Variants in FAM149A observed in about 807,000 individuals in gnomAD.
FAM149A encodes the protein family with sequence similarity 149 member A, also known as protein FAM149A.
In FAM149A, 71 loss-of-function variants were observed where a neutral mutation model predicts 78.2. The ratio of observed to expected loss-of-function variants is 0.91; its 90% CI spans 0.75 to 1.11. The LOEUF is 1.11. Among genes scored for constraint, FAM149A ranks in the 50% least tolerant of loss-of-function variants. The probability of loss-of-function intolerance (pLI) is 0.00; values close to 1 mark genes in which losing one functional copy is unlikely to be tolerated. For missense variants in FAM149A, 1,036 were observed against 971.0 expected, an observed-to-expected ratio of 1.07 and a Z score of -0.89; for synonymous variants, 446 against 410.5, an observed-to-expected ratio of 1.09 and a Z score of -1.04.
At chr4:186,129,367 A>T (rs2099319644) in intron 1 of FAM149A, among the ~76,000 whole-genome samples, 1 of 152,178 alleles carries the variant, frequency 6.6e-6, no homozygotes, top group South Asian at 2.1e-4. Flanking sequence ...CCCATAAGGA[A>T]TTCATGAACT....
At chr4:186,162,005 C>T (rs1734645044) in intron 8 of FAM149A, among the ~76,000 whole-genome samples, 1 of 152,196 alleles carries the variant, frequency 6.6e-6, no homozygotes, top group African/African-American at 2.4e-5. Flanking sequence ...CACCTGTCAG[C>T]CTGTCATCTA....
chr4:186,132,261 A>C (rs115472095), intron 1 of FAM149A: 1,041 of 966,920 alleles, frequency 1.1e-3, no homozygotes, highest in Non-Finnish European at 1.2e-3. Context: ...CAGCAAATTT[A>C]GTTCAAAAAT....
At chr4:186,165,584 A>G in intron 11 of FAM149A, 120 bp downstream of exon 11, 1 of 932,428 alleles carries the variant, frequency 1.1e-6, no homozygotes, top group South Asian at 1.7e-5. Flanking sequence ...AGCTGTATTC[A>G]AATGCCTTCA....
At chr4:186,136,992 C>CTCTCTCTCTCTCTCTCTT (rs2099323482) in intron 1 of FAM149A, among the ~76,000 whole-genome samples, 5 of 126,790 alleles carry the variant, frequency 3.9e-5, no homozygotes, top group South Asian at 5.8e-4. Context: ...CTCTCTCTCT[C>CTCTCTCTCTCTCTCTCTT]TCTCTCTCTC....
At chr4:186,134,565 GTCT>G (rs2099321991) in intron 1 of FAM149A, among the ~76,000 whole-genome samples, 3 of 152,286 alleles carry the variant, frequency 2.0e-5, no homozygotes, top group Non-Finnish European at 4.4e-5. Context: ...TCTCCCAAAT[GTCT>G]TCGTTAGTCA....
rs1049180794 is a variant in FAM149A at position 186,104,778 on chromosome 4, G to A, written c.-299G>A. 7.1e-5 allele frequency among the ~76,000 whole-genome samples: 10 copies of A among 140,240 alleles called. No individual in the cohort carries two copies. The highest frequency in any genetic ancestry group is 1.5e-4 in the Non-Finnish European group (10 of 64,694). 92.0% of individuals were successfully genotyped at this position (140,240 alleles called of 152,430 possible). On this transcript the variant is annotated 5_prime_UTR_variant, in exon 1 of 14. Transcript: ENST00000389354. Reference sequence around the variant, plus strand: ...GCGGCGGGCGGCGGGCGTCTGGGGCGGGCGGCGGCCGCGCTTCCCGGGGCT... The same window carrying A: ...GCGGCGGGCGGCGGGCGTCTGGGGCAGGCGGCGGCCGCGCTTCCCGGGGCT...
In FAM149A at chr4:186,151,736, G is replaced by A. The variant is rs1188576483; in HGVS notation, c.790-167G>A. 1.0e-5 allele frequency: 10 copies of A among 985,266 alleles called. No individual in the cohort carries two copies. The Admixed American group carries it at 4.9e-4, about 48-fold the overall frequency. 61.0% of individuals were successfully genotyped at this position (985,266 alleles called of 1,614,324 possible). On this transcript the variant is annotated intron_variant, in intron 3 of 13. Coordinates refer to ENST00000389354, the MANE Select transcript of FAM149A (RefSeq NM_001367768.3). ...AGAATGAGATGGCATTTCTCAGAAAGGTAACAGCTAGAGCACAGGTGTGTC... is the reference window on the plus strand; with the variant it reads ...AGAATGAGATGGCATTTCTCAGAAAAGTAACAGCTAGAGCACAGGTGTGTC...
intron 13 of FAM149A, chr4:186,167,719 T>TA (rs1735182357): frequency 3.8e-6 from 1 of 263,404 alleles, no homozygotes. Flanking sequence ...CTCAGCCTGG[T>TA]ATGCTGTTTG....
chr4:186,149,026 G>GTT (rs1253582140), intron 1 of FAM149A, 147 bp from the exon 2 acceptor site: 12 of 348,362 alleles, frequency 3.4e-5, no homozygotes, highest in African/African-American at 2.4e-4. Flanking sequence ...GTGTGTGTGT[G>GTT]TGTGTGCGCT....
chr4:186,115,496 C>G (rs1177687385), intron 1 of FAM149A, among the ~76,000 whole-genome samples: 1 of 82,294 alleles, frequency 1.2e-5, no homozygotes, highest in Admixed American at 1.6e-4. Flanking sequence ...TCCAGTTTTT[C>G]TGTTCTGTTT....
At chr4:186,130,949 T>C (rs1431927176) in intron 1 of FAM149A, among the ~76,000 whole-genome samples, 3 of 152,148 alleles carry the variant, frequency 2.0e-5, no homozygotes, top group African/African-American at 7.2e-5. Flanking sequence ...TTCCCCCAAG[T>C]TCCTATGTTA....
intron 1 of FAM149A, chr4:186,110,150 A>G: frequency 3.0e-6 from 3 of 985,422 alleles, no homozygotes; most frequent in Non-Finnish European, 3.6e-6. Flanking sequence ...CATTTAGCAA[A>G]TATTTATTGA....
At chr4:186,160,592 CCACACACAT>C (rs1231308226) in intron 8 of FAM149A, among the ~76,000 whole-genome samples, 3 of 147,228 alleles carry the variant, frequency 2.0e-5, no homozygotes, top group Non-Finnish European at 4.5e-5. Context: ...CATACACACA[CCACACACAT>C]ACACCACATG....
At chr4:186,150,007 C>A (rs1382005255) in intron 3 of FAM149A, among the ~76,000 whole-genome samples, 1 of 152,152 alleles carries the variant, frequency 6.6e-6, no homozygotes, top group East Asian at 1.9e-4. Context: ...GTATCCATGG[C>A]CGGAAATTCA....
intron 1 of FAM149A, among the ~76,000 whole-genome samples, chr4:186,120,848 C>CTTTTTTTTTTT: frequency 1.1e-5 from 1 of 90,208 alleles, no homozygotes; most frequent in Non-Finnish European, 1.9e-5. Context: ...AAATAATATT[C>CTTTTTTTTTTT]TTTTTTTTTT....
intron 1 of FAM149A, among the ~76,000 whole-genome samples, 171 bp downstream of exon 1, chr4:186,105,813 T>G (rs1405685585): frequency 6.6e-6 from 1 of 152,228 alleles, no homozygotes; most frequent in Non-Finnish European, 1.5e-5. Flanking sequence ...CTCCTTGGCT[T>G]TGCGGGCTTT....
chr4:186,168,308 C>T (rs1011867988), intron 13 of FAM149A, among the ~76,000 whole-genome samples: 1 of 152,130 alleles, frequency 6.6e-6, no homozygotes, highest in African/African-American at 2.4e-5. Context: ...GTCAACAGCT[C>T]GTTCTCTAAA....
At chr4:186,110,389 CTTTCT>C (rs2099310702) in intron 1 of FAM149A, 4 of 802,030 alleles carry the variant, frequency 5.0e-6, no homozygotes, top group South Asian at 1.2e-4. Flanking sequence ...ATAAGCGTTA[CTTTCT>C]TTTTTTTTTT....
Position 186,105,214 on chromosome 4 carries a change from C to T in FAM149A, c.138C>T (p.Thr46=). Residue 46 remains threonine, a synonymous_variant, in exon 1 of 14, where the codon ACC becomes ACT. Coordinates refer to ENST00000389354, the MANE Select transcript of FAM149A (RefSeq NM_001367768.3). Reference sequence around the variant, plus strand: ...GGTCGGGGGGCTCCAGGGCGGGCACCCCGTTGGGTACCGCCCCGACCCTCC... The same window carrying T: ...GGTCGGGGGGCTCCAGGGCGGGCACTCCGTTGGGTACCGCCCCGACCCTCC... 1 of 1,268,522 alleles carries T rather than the reference C, an allele frequency of 7.9e-7. No individual in the cohort carries two copies. The highest frequency in any genetic ancestry group is 1.0e-6 in the Non-Finnish European group (1 of 980,082). 78.6% of individuals were successfully genotyped at this position (1,268,522 alleles called of 1,614,324 possible). A position where few individuals can be genotyped will look rare whatever the true frequency, so the allele number is the denominator to read the frequency against.
Sources: allele counts gnomAD v4.1 joint callset (sites outside exome capture counted in the v4.1 genomes callset), GRCh38; gene constraint gnomAD v4.1.1; transcripts MANE v1.5; gene names NCBI Gene and HGNC (gene_info 2026-07-23, HGNC 2026-07-21).